Variants in EPHB1 observed in about 807,000 individuals in gnomAD.
EPHB1 encodes the protein ephrin type-B receptor 1.
EPHB1 carries 30 observed loss-of-function variants against 94.4 expected under a neutral mutation model. That is an observed-to-expected ratio of 0.32 (90% CI 0.24 to 0.43). The LOEUF (loss-of-function observed/expected upper bound fraction) is 0.43, where lower values mean the gene tolerates loss of function less well. Among genes scored for constraint, EPHB1 ranks in the 20% least tolerant of loss-of-function variants. The pLI is 1.00. For synonymous variants in EPHB1, 522 were observed against 489.1 expected, an observed-to-expected ratio of 1.07 and a Z score of -0.89; for missense variants, 1,055 against 1,308.3, an observed-to-expected ratio of 0.81 and a Z score of 2.99.
chr3:135,025,226 T>TTATTTATTTATTTATTTATG (rs1936118135), intron 3 of EPHB1, among the ~76,000 whole-genome samples: 1 of 143,688 alleles, frequency 7.0e-6, no homozygotes, highest in East Asian at 2.1e-4. Context: ...TATTTATTAT[T>TTATTTATTTATTTATTTATG]ATACTTTAAG....
At chr3:134,831,410 C>T (rs767742336) in intron 1 of EPHB1, among the ~76,000 whole-genome samples, 5 of 152,206 alleles carry the variant, frequency 3.3e-5, no homozygotes, top group Non-Finnish European at 7.3e-5. Context: ...GGGCCATGGC[C>T]TTTCACACTT....
intron 11 of EPHB1, among the ~76,000 whole-genome samples, chr3:135,193,254 T>C (rs558460436): frequency 2.6e-5 from 4 of 152,214 alleles, no homozygotes; most frequent in African/African-American, 4.8e-5. Context: ...GTTGCCATTT[T>C]CTGATGCCTG....
intron 1 of EPHB1, among the ~76,000 whole-genome samples, chr3:134,902,200 T>C (rs1320861576): frequency 6.6e-6 from 1 of 152,130 alleles, no homozygotes; most frequent in Non-Finnish European, 1.5e-5. Context: ...GGGCTGTGGC[T>C]GTATGGGAGC....
chr3:134,834,365 C>A (rs1023805571), intron 1 of EPHB1, among the ~76,000 whole-genome samples: 2 of 152,176 alleles, frequency 1.3e-5, no homozygotes, highest in Admixed American at 1.3e-4. Context: ...ACTCTCCCCT[C>A]TAGTAGACCT....
intron 3 of EPHB1, among the ~76,000 whole-genome samples, chr3:135,047,996 G>A (rs1339047061): frequency 1.3e-5 from 2 of 152,120 alleles, no homozygotes; most frequent in Non-Finnish European, 2.9e-5. Context: ...GGTTACAAAG[G>A]GATTGAATAG....
At chr3:134,993,238 C>T (rs1934877110) in intron 3 of EPHB1, among the ~76,000 whole-genome samples, 1 of 152,222 alleles carries the variant, frequency 6.6e-6, no homozygotes, top group Admixed American at 6.5e-5. Flanking sequence ...AGCAATCCAG[C>T]CTCATCCTGA....
chr3:135,074,236 C>T (rs1387023056), intron 3 of EPHB1, among the ~76,000 whole-genome samples: 1 of 152,226 alleles, frequency 6.6e-6, no homozygotes. Flanking sequence ...TTGTTCTCTA[C>T]ATTCTCCAAT....
At chr3:134,916,865 C>T (rs1024785484) in intron 1 of EPHB1, among the ~76,000 whole-genome samples, 1 of 152,194 alleles carries the variant, frequency 6.6e-6, no homozygotes, top group Non-Finnish European at 1.5e-5. Context: ...GTGCTGAGGC[C>T]GAGGAGGTAC....
intron 3 of EPHB1, among the ~76,000 whole-genome samples, chr3:135,053,142 A>C (rs1937242412): frequency 7.2e-6 from 1 of 138,868 alleles, no homozygotes; most frequent in South Asian, 2.3e-4. Context: ...AGATGTTTAG[A>C]TTTTAGATGT....
At chr3:135,230,444 T>A (rs1157950577) in intron 12 of EPHB1, among the ~76,000 whole-genome samples, 2 of 152,044 alleles carry the variant, frequency 1.3e-5, no homozygotes, top group African/African-American at 4.8e-5. Flanking sequence ...TTGGGGTGAG[T>A]CCAGTTGCTC....
chr3:134,966,354 CA>C (rs1356970498), intron 3 of EPHB1, among the ~76,000 whole-genome samples: 2 of 152,106 alleles, frequency 1.3e-5, no homozygotes, highest in Non-Finnish European at 2.9e-5. Flanking sequence ...ACAAAATAAG[CA>C]ACAAAGCTTC....
chr3:135,129,282 G>A (rs551274196), intron 4 of EPHB1, among the ~76,000 whole-genome samples: 5 of 152,076 alleles, frequency 3.3e-5, no homozygotes, highest in African/African-American at 4.8e-5. Flanking sequence ...GAGCAGCATC[G>A]ACAAGGGTGG....
At chr3:135,210,873 G>A (rs1443751909) in intron 12 of EPHB1, among the ~76,000 whole-genome samples, 3 of 152,012 alleles carry the variant, frequency 2.0e-5, no homozygotes, top group South Asian at 2.1e-4. Flanking sequence ...CCTCTCAAAG[G>A]CCCAGCAAAG....
intron 1 of EPHB1, among the ~76,000 whole-genome samples, chr3:134,856,283 G>C (rs955822384): frequency 1.3e-5 from 2 of 152,146 alleles, no homozygotes; most frequent in African/African-American, 4.8e-5. Flanking sequence ...TGGGGAGCAA[G>C]GTGGCAGTGT....
intron 1 of EPHB1, among the ~76,000 whole-genome samples, chr3:134,883,695 A>G (rs2037807218): frequency 6.6e-6 from 1 of 152,188 alleles, no homozygotes; most frequent in Admixed American, 6.5e-5. Context: ...CTTCATTCAG[A>G]ATGTATCCGG....
intron 9 of EPHB1, among the ~76,000 whole-genome samples, chr3:135,167,378 C>T (rs72979550): frequency 0.021 from 3,136 of 152,222 alleles, 98 homozygotes; most frequent in African/African-American, 0.065. Context: ...TCCAATTGAG[C>T]AGCTGGGGAA....
chr3:134,837,520 G>A (rs369218763), intron 1 of EPHB1, among the ~76,000 whole-genome samples: 3 of 152,182 alleles, frequency 2.0e-5, no homozygotes, highest in African/African-American at 7.2e-5. Flanking sequence ...TGTCTGTCCT[G>A]GGAGATGGCG....
At chr3:134,997,017 A>G (rs1266390415) in intron 3 of EPHB1, among the ~76,000 whole-genome samples, 2 of 152,112 alleles carry the variant, frequency 1.3e-5, no homozygotes, top group African/African-American at 4.8e-5. Flanking sequence ...CTAAAGTTGT[A>G]TAAATGGTCA....
At chr3:134,860,464 A>C (rs1025047214) in intron 1 of EPHB1, among the ~76,000 whole-genome samples, 1 of 152,128 alleles carries the variant, frequency 6.6e-6, no homozygotes, top group Non-Finnish European at 1.5e-5. Flanking sequence ...AGTTTTGACT[A>C]TATGCACCTT....
Sources: gnomAD v4.1 joint callset for allele counts (sites outside exome capture counted in the v4.1 genomes callset) on GRCh38, gnomAD v4.1.1 for gene constraint, MANE v1.5 for transcripts, NCBI Gene and HGNC (gene_info 2026-07-23, HGNC 2026-07-21) for gene names.